The following LRRC4B variants were observed in gnomAD, a reference collection of about 807,000 sequenced individuals.
LRRC4B encodes leucine-rich repeat-containing protein 4B.
In LRRC4B, 1 loss-of-function variant was observed where a neutral mutation model predicts 7.3. That is an observed-to-expected ratio of 0.14 (90% CI 0.05 to 0.65). The LOEUF (loss-of-function observed/expected upper bound fraction) is 0.65. Ranked by LOEUF, LRRC4B falls within the 30% of genes least tolerant of loss-of-function variation. LRRC4B has a pLI of 0.84. For synonymous variants in LRRC4B, 500 were observed against 499.2 expected, an observed-to-expected ratio of 1.00 and a Z score of -0.02; for missense variants, 730 against 1,041.6, an observed-to-expected ratio of 0.70 and a Z score of 4.12.
chr19:50,539,576 A>G (rs191301811), intron 2 of LRRC4B, among the ~76,000 whole-genome samples: 11 of 152,034 alleles, frequency 7.2e-5, no homozygotes, highest in African/African-American at 2.7e-4. Context: ...GTATTTTTAA[A>G]GCTTAATTTG....
At chr19:50,551,802 G>A (rs1422560866) in intron 1 of LRRC4B, among the ~76,000 whole-genome samples, 3 of 150,994 alleles carry the variant, frequency 2.0e-5, no homozygotes, top group African/African-American at 7.3e-5. Flanking sequence ...CTCTTTCTCC[G>A]CGATTACAAT....
At chr19:50,558,762 T>C (rs1982365644) in intron 1 of LRRC4B, among the ~76,000 whole-genome samples, 1 of 152,252 alleles carries the variant, frequency 6.6e-6, no homozygotes, top group African/African-American at 2.4e-5. Flanking sequence ...ATCTAACCAC[T>C]GATCCTGCTT....
rs547197499 is a variant in LRRC4B, at chr19:50,538,629, C to A, written c.297+9913G>T. Among the ~76,000 whole-genome samples the A allele has an allele frequency of 8.6e-5, 11 of 127,792 alleles. No homozygotes were observed. In the South Asian group the frequency reaches 2.6e-3, roughly 30 times the overall value. 83.8% of individuals were successfully genotyped at this position (127,792 alleles called of 152,430 possible). ...TGCCACCTAGGCTGGAGTCCAGTGG[C>A]AAAATCACAGCTCACTGCAGCCTCT... On this transcript the variant is annotated intron_variant, in intron 2 of 2. Transcript: ENST00000652263.
chr19:50,559,871 C>T (rs10445580), intron 1 of LRRC4B, among the ~76,000 whole-genome samples: 38,129 of 152,236 alleles, frequency 0.25, 5,450 homozygotes, highest in Non-Finnish European at 0.33. Flanking sequence ...CAGTGGCTCA[C>T]GCCTGTAATC....
intron 1 of LRRC4B, among the ~76,000 whole-genome samples, chr19:50,559,832 CTTG>C (rs1982406892): frequency 6.6e-6 from 1 of 152,214 alleles, no homozygotes; most frequent in Non-Finnish European, 1.5e-5. Flanking sequence ...GTCTGGGAAT[CTTG>C]TTAAGAGGCA....
intron 2 of LRRC4B, among the ~76,000 whole-genome samples, chr19:50,526,345 T>C (rs1862479): frequency 0.37 from 56,161 of 152,002 alleles, 10,693 homozygotes; most frequent in African/African-American, 0.47. Flanking sequence ...GATACCTCCC[T>C]GCATCTGTCC....
chr19:50,535,733 C>A (rs189301106), intron 2 of LRRC4B, among the ~76,000 whole-genome samples: 1 of 152,170 alleles, frequency 6.6e-6, no homozygotes, highest in Admixed American at 6.5e-5. Context: ...TCACACTGAC[C>A]CGGCTCAGGC....
intron 1 of LRRC4B, among the ~76,000 whole-genome samples, chr19:50,552,390 G>C (rs188514440): frequency 2.5e-3 from 385 of 151,970 alleles, no homozygotes; most frequent in Non-Finnish European, 3.4e-3. Context: ...ACCCCGTCCC[G>C]TGGCTGAGGG....
intron 1 of LRRC4B, among the ~76,000 whole-genome samples, chr19:50,561,698 G>A (rs770942217): frequency 2.6e-5 from 4 of 152,118 alleles, no homozygotes; most frequent in Non-Finnish European, 5.9e-5. Context: ...TTGTGCCCCT[G>A]CACTTCAGCA....
intron 2 of LRRC4B, among the ~76,000 whole-genome samples, chr19:50,547,310 AGGAAG>A (rs1301786531): frequency 6.7e-6 from 1 of 150,014 alleles, no homozygotes; most frequent in Non-Finnish European, 1.5e-5. Context: ...CACAGCCACC[AGGAAG>A]GGACTGCTCC....
In LRRC4B at chr19:50,519,791, T is replaced by C. The variant is rs535669765; in HGVS notation, c.298-376A>G. ...GGGAGGCTGAGGCACGAGAATCACT[T>C]GAACCCAGGAGGCGGAGTCTGCAGT... On this transcript the variant is annotated intron_variant, in intron 2 of 2. Transcript: ENST00000652263. The surrounding 1 kb of genome is among the most constrained non-coding windows in gnomAD (Gnocchi z 8.1). Among the ~76,000 whole-genome samples, 5 of 152,224 alleles carry C rather than the reference T, an allele frequency of 3.3e-5. No individual in the cohort carries two copies. The East Asian group carries it at 9.7e-4, about 29-fold the overall frequency.
intron 1 of LRRC4B, among the ~76,000 whole-genome samples, chr19:50,557,281 T>C (rs1281757683): frequency 2.0e-5 from 3 of 152,026 alleles, no homozygotes; most frequent in African/African-American, 2.4e-5. Context: ...GGGAAGCAGT[T>C]ACGGGGAGAA....
intron 2 of LRRC4B, among the ~76,000 whole-genome samples, chr19:50,525,085 G>T (rs992617774): frequency 6.6e-6 from 1 of 152,162 alleles, no homozygotes; most frequent in Non-Finnish European, 1.5e-5. Flanking sequence ...GCCGTTCCCC[G>T]TGGACAGACA....
intron 1 of LRRC4B, among the ~76,000 whole-genome samples, chr19:50,549,905 T>C (rs1981981413): frequency 1.3e-5 from 2 of 152,030 alleles, no homozygotes; most frequent in African/African-American, 4.8e-5. Flanking sequence ...TCTGCCTGGG[T>C]TCTGGGAGGA....
In LRRC4B at chr19:50,518,431, C is replaced by T. The variant is rs941968775; in HGVS notation, c.1282G>A (p.Val428Met). ...CACGTGTACTGGCCCGTGTCCTGCACGGTGACGTTGGTGAAGTTAAGCGTG... is the reference window on the plus strand; with the variant it reads ...CACGTGTACTGGCCCGTGTCCTGCATGGTGACGTTGGTGAAGTTAAGCGTG... ...DGTLNFTNVT[V>M]QDTGQYTCMV... The change falls in exon 3 of 3, where the codon GTG becomes ATG. Residue 428 changes from valine (V) to methionine (M), a missense_variant. Physicochemically the swap from Val to Met is conservative, Grantham distance 21. Coordinates refer to ENST00000652263, the MANE Select transcript of LRRC4B (RefSeq NM_001080457.2). The T allele has an allele frequency of 2.2e-5, 35 of 1,556,066 alleles. No homozygotes were observed. The highest frequency in any genetic ancestry group is 2.9e-5 in the Non-Finnish European group (33 of 1,152,824).
At chr19:50,560,798 T>C (rs891431642) in intron 1 of LRRC4B, among the ~76,000 whole-genome samples, 1 of 152,144 alleles carries the variant, frequency 6.6e-6, no homozygotes, top group African/African-American at 2.4e-5. Flanking sequence ...AAAGTTATCA[T>C]TTATTCTCGG....
chr19:50,536,129 T>A (rs927710248), intron 2 of LRRC4B, among the ~76,000 whole-genome samples: 6 of 146,116 alleles, frequency 4.1e-5, no homozygotes, highest in African/African-American at 1.7e-4. Flanking sequence ...CTGGACTTGT[T>A]TACCTTCCTT....
At chr19:50,536,443 G>A (rs1233968251) in intron 2 of LRRC4B, among the ~76,000 whole-genome samples, 1 of 152,126 alleles carries the variant, frequency 6.6e-6, no homozygotes, top group Admixed American at 6.5e-5. Context: ...GAGACTTGCC[G>A]ACTTTCTGAA....
chr19:50,518,792 G>C lies in LRRC4B; in HGVS notation c.921C>G (p.His307Gln). 6.2e-7 allele frequency: 1 copy of C among 1,614,110 alleles called. No homozygotes were observed. Among genetic ancestry groups the C allele is most frequent in the Non-Finnish European group, 8.5e-7 (1 of 1,179,984 alleles). ...TGCAATGCCAGGGGTTGTGGTTGAG[G>C]TGCACGCGCTCGAGGCGGTGCAGGG... is the stretch of plus-strand genomic sequence containing the variant. ...FTPLHRLERV[H>Q]LNHNPWHCNC... Residue 307 changes from histidine to glutamine, a missense_variant, in exon 3 of 3, where the codon CAC (histidine) becomes CAG (glutamine). His to Gln is a conservative substitution (Grantham distance 24). Around this residue, in one of 6 missense-constraint regions of LRRC4B, gnomAD observed 226 missense variants for 448.0 expected, o/e 0.50. Coordinates refer to ENST00000652263, the MANE Select transcript of LRRC4B (RefSeq NM_001080457.2).
Sources: allele counts gnomAD v4.1 joint callset (sites outside exome capture counted in the v4.1 genomes callset), GRCh38; gene constraint gnomAD v4.1.1; regional missense constraint gnomAD v4.1.1; non-coding constraint Gnocchi (gnomAD v3.1); transcripts MANE v1.5; gene names NCBI Gene and HGNC (gene_info 2026-07-23, HGNC 2026-07-21).